HNRNPA1L2: variants seen among roughly 807,000 people sequenced by gnomAD.
HNRNPA1L2 encodes the protein heterogeneous nuclear ribonucleoprotein A1-like 2.
A neutral mutation model predicts 18.2 loss-of-function variants in HNRNPA1L2; 10 were observed. That is an observed-to-expected ratio of 0.55 (90% CI 0.34 to 0.93). The LOEUF is 0.93. Among genes scored for constraint, HNRNPA1L2 ranks in the 40% least tolerant of loss-of-function variants. HNRNPA1L2 has a pLI of 0.02. For missense variants in HNRNPA1L2, 308 were observed against 394.4 expected (o/e 0.78, Z 1.85); for synonymous variants, 124 against 138.6 (o/e 0.89, Z 0.74).
the HNRNPA1L2 span, among the ~76,000 whole-genome samples, chr13:52,635,557 ATT>A: frequency 6.7e-6 from 1 of 150,110 alleles, no homozygotes; most frequent in Non-Finnish European, 1.5e-5. Context: ...AAATCTGAAC[ATT>A]TTCATGTCCT....
chr13:52,636,809 C>T, the HNRNPA1L2 span, among the ~76,000 whole-genome samples: 1 of 151,954 alleles, frequency 6.6e-6, no homozygotes, highest in Non-Finnish European at 1.5e-5. Context: ...TTAAGCTTGC[C>T]ATTATTGTAG....
In HNRNPA1L2 at chr13:52,642,480, T is replaced by TCA. The variant is rs779403364; in HGVS notation, c.-11_-10dup. ...GAAGAAGCATCGTTAAAGTCTCTCT[T>TCA]CACCTTGCCGTCATGTCTAAGTCAG... On this transcript the variant is annotated 5_prime_UTR_variant, in exon 1 of 1. Coordinates refer to ENST00000357495, the MANE Select transcript of HNRNPA1L2 (RefSeq NM_001389320.1). The TCA allele has an allele frequency of 3.1e-6, 5 of 1,611,498 alleles. No homozygotes were observed. In the South Asian group the frequency reaches 5.5e-5, roughly 18 times the overall value.
At chr13:52,639,718 C>CAAAAAAAAAAAAA (rs1961585637), upstream of HNRNPA1L2, among the ~76,000 whole-genome samples, 6 of 119,096 alleles carry the variant, frequency 5.0e-5, no homozygotes, top group African/African-American at 1.7e-4. Context: ...AAAAAAAAAT[C>CAAAAAAAAAAAAA]AAAACTATCC....
At chr13:52,634,672 A>G in the HNRNPA1L2 span, among the ~76,000 whole-genome samples, 1 of 152,192 alleles carries the variant, frequency 6.6e-6, no homozygotes, top group African/African-American at 2.4e-5. Context: ...CTGTTCCATG[A>G]TTCCCACTTC....
chr13:52,619,941 A>G, the HNRNPA1L2 span, among the ~76,000 whole-genome samples: 2 of 150,232 alleles, frequency 1.3e-5, no homozygotes, highest in African/African-American at 4.9e-5. Context: ...AAAAAAAAAA[A>G]AAGAATAATA....
the HNRNPA1L2 span, among the ~76,000 whole-genome samples, chr13:52,630,646 A>G: frequency 2.0e-5 from 3 of 152,182 alleles, no homozygotes; most frequent in Non-Finnish European, 4.4e-5. Flanking sequence ...GATTTGTTTT[A>G]AGTAAAATCA....
chr13:52,619,919 C>CAAAAAAAAAAAA, the HNRNPA1L2 span, among the ~76,000 whole-genome samples: 9 of 69,148 alleles, frequency 1.3e-4, no homozygotes, highest in African/African-American at 5.0e-4. Context: ...GATTCCGTCT[C>CAAAAAAAAAAAA]AAAAAAAAAA....
chr13:52,641,126 A>T (rs528836185), upstream of HNRNPA1L2: 2 of 152,182 alleles, frequency 1.3e-5, no homozygotes, highest in South Asian at 4.1e-4. Flanking sequence ...CTAGTCATCA[A>T]CTCCTGAATA....
the HNRNPA1L2 span, among the ~76,000 whole-genome samples, chr13:52,633,005 C>T: frequency 6.6e-6 from 1 of 152,208 alleles, no homozygotes; most frequent in Non-Finnish European, 1.5e-5. Context: ...ACATACCACA[C>T]TACAGTTATT....
upstream of HNRNPA1L2, among the ~76,000 whole-genome samples, chr13:52,639,694 C>CAAAAAAAAAAAAAAAAAAAAAAAAA (rs10661534): frequency 1.8e-4 from 13 of 73,542 alleles, no homozygotes; most frequent in African/African-American, 5.7e-4. Context: ...GACCCTGTCT[C>CAAAAAAAAAAAAAAAAAAAAAAAAA]AAAAAAAAAA....
At chr13:52,617,627 C>G in the HNRNPA1L2 span, 1 of 472,182 alleles carries the variant, frequency 2.1e-6, no homozygotes, top group Non-Finnish European at 3.9e-6. Context: ...CCCTGGAAGC[C>G]CGGAGACATC....
At chr13:52,636,151 G>A in the HNRNPA1L2 span, among the ~76,000 whole-genome samples, 34 of 152,146 alleles carry the variant, frequency 2.2e-4, no homozygotes, top group Admixed American at 1.4e-3. Flanking sequence ...TTACATTTTT[G>A]TACCTATTCA....
chr13:52,637,005 G>T, the HNRNPA1L2 span, among the ~76,000 whole-genome samples: 1 of 152,004 alleles, frequency 6.6e-6, no homozygotes, highest in African/African-American at 2.4e-5. Flanking sequence ...CTAATTTTTT[G>T]TATTTTAAGT....
chr13:52,631,859 G>A, the HNRNPA1L2 span, among the ~76,000 whole-genome samples: 1 of 152,164 alleles, frequency 6.6e-6, no homozygotes, highest in African/African-American at 2.4e-5. Flanking sequence ...AAAAAGTCAT[G>A]TAAAGAAAGT....
upstream of HNRNPA1L2, among the ~76,000 whole-genome samples, chr13:52,638,839 G>T (rs544262817): frequency 1.2e-4 from 19 of 152,288 alleles, no homozygotes; most frequent in African/African-American, 4.3e-4. Context: ...AGTGACGGTG[G>T]CAGAGGGAGG....
the HNRNPA1L2 span, chr13:52,629,317 A>G: frequency 4.6e-6 from 1 of 219,006 alleles, no homozygotes; most frequent in East Asian, 1.1e-4. Context: ...CAAGGCTATG[A>G]CAATTATCCT....
chr13:52,639,592 G>C (rs1393543974), upstream of HNRNPA1L2, among the ~76,000 whole-genome samples: 5 of 149,340 alleles, frequency 3.3e-5, no homozygotes, highest in Admixed American at 2.7e-4. Flanking sequence ...CTCTGAGTGT[G>C]TCTTTGCTTG....
At chr13:52,638,925 C>T (rs2138076852), upstream of HNRNPA1L2, among the ~76,000 whole-genome samples, 1 of 152,244 alleles carries the variant, frequency 6.6e-6, no homozygotes, top group East Asian at 1.9e-4. Flanking sequence ...AAAATCCTGT[C>T]AGCTGCAAAG....
chr13:52,642,380 G>C, upstream of HNRNPA1L2: 1 of 1,379,662 alleles, frequency 7.2e-7, no homozygotes, highest in African/African-American at 1.5e-5. Context: ...GAATCAGCCA[G>C]AATCTCATCC....
Sources: allele counts gnomAD v4.1 joint callset (sites outside exome capture counted in the v4.1 genomes callset), GRCh38; gene constraint gnomAD v4.1.1; transcripts MANE v1.5; gene names NCBI Gene and HGNC (gene_info 2026-07-23, HGNC 2026-07-21).